The following UBE2F variants were observed in gnomAD, a reference collection of about 807,000 sequenced individuals.
UBE2F encodes the protein NEDD8-conjugating enzyme UBE2F.
A neutral mutation model predicts 29.6 loss-of-function variants in UBE2F; 5 were observed. The observed-to-expected ratio is 0.17, with a 90% CI of 0.09 to 0.36. The LOEUF is 0.36. Ranked by LOEUF, UBE2F falls within the 10% of genes least tolerant of loss-of-function variation. UBE2F has a pLI of 1.00. For missense variants in UBE2F, 141 were observed against 228.5 expected (o/e 0.62, Z 2.47); for synonymous variants, 66 against 81.8 (o/e 0.81, Z 1.04).
At chr2:237,979,459 C>G (rs1377562610) in intron 2 of UBE2F, among the ~76,000 whole-genome samples, 1 of 152,242 alleles carries the variant, frequency 6.6e-6, no homozygotes, top group Non-Finnish European at 1.5e-5. Flanking sequence ...TTTTCTGGAA[C>G]CACTGTCTCC....
At position 238,040,630 on chromosome 2, in the gene UBE2F, A is replaced by G. The variant is rs2064818178; in HGVS notation, c.508-658A>G. On this transcript the variant is annotated intron_variant, in intron 9 of 9. Coordinates refer to ENST00000272930, the MANE Select transcript of UBE2F (RefSeq NM_080678.3). This position sits in a 1 kb window ranked among gnomAD's most constrained non-coding sequence, Gnocchi z 4.4. ...TCCTAACCTTGGGGAGACCAGATCC[A>G]GGGACAAACCTGACAGTGGCCCAGA... Among the ~76,000 whole-genome samples the G allele has an allele frequency of 6.6e-6, 1 of 152,192 alleles. No homozygotes were observed. Among genetic ancestry groups the G allele is most frequent in the Non-Finnish European group, 1.5e-5 (1 of 68,036 alleles).
intron 4 of UBE2F, among the ~76,000 whole-genome samples, chr2:238,013,000 G>T (rs1229013474): frequency 6.6e-6 from 1 of 152,216 alleles, no homozygotes; most frequent in Non-Finnish European, 1.5e-5. Flanking sequence ...TATAGGCCAG[G>T]TGTGGTGGCT....
At chr2:237,990,053 G>A (rs2063551221) in intron 3 of UBE2F, among the ~76,000 whole-genome samples, 1 of 151,218 alleles carries the variant, frequency 6.6e-6, no homozygotes, top group South Asian at 2.1e-4. Flanking sequence ...AGGAGGCGGA[G>A]GTTGCGGTGA....
At chr2:238,025,176 G>C (rs2064391173) in intron 5 of UBE2F, 166 bp from the exon 6 acceptor site, 1 of 635,188 alleles carries the variant, frequency 1.6e-6, no homozygotes, top group African/African-American at 1.8e-5. Context: ...CCTCATGGGT[G>C]AGGTGAGCCA....
At chr2:238,025,196 G>T in intron 5 of UBE2F, 146 bp from the exon 6 acceptor site, 1 of 687,630 alleles carries the variant, frequency 1.5e-6, no homozygotes, top group Non-Finnish European at 2.6e-6. Flanking sequence ...AGTATTCAGG[G>T]TTGAACACGT....
intron 4 of UBE2F, among the ~76,000 whole-genome samples, chr2:238,013,005 G>A (rs1294464711): frequency 6.6e-6 from 1 of 152,194 alleles, no homozygotes; most frequent in Non-Finnish European, 1.5e-5. Context: ...GCCAGGTGTG[G>A]TGGCTCATGC....
At chr2:237,990,111 CAAAAAA>C (rs146262180) in intron 3 of UBE2F, among the ~76,000 whole-genome samples, 1 of 84,164 alleles carries the variant, frequency 1.2e-5, no homozygotes, top group Admixed American at 1.3e-4. Flanking sequence ...GAGACTGTCT[CAAAAAA>C]AAAAAAAAAA....
At chr2:238,027,910 C>T (rs2064471075) in intron 6 of UBE2F, among the ~76,000 whole-genome samples, 1 of 152,226 alleles carries the variant, frequency 6.6e-6, no homozygotes, top group African/African-American at 2.4e-5. Context: ...ACCTTGTTGT[C>T]CCGGCAGGGA....
chr2:238,030,463 C>A, intron 6 of UBE2F, 93 bp from the exon 7 acceptor site: 1 of 833,944 alleles, frequency 1.2e-6, no homozygotes, highest in Non-Finnish European at 2.0e-6. Flanking sequence ...AAAAGTAGAG[C>A]TCCTGCATGG....
chr2:238,004,650 T>C (rs2063864593), intron 4 of UBE2F, among the ~76,000 whole-genome samples: 1 of 152,134 alleles, frequency 6.6e-6, no homozygotes, highest in Non-Finnish European at 1.5e-5. Flanking sequence ...CTGGAACCTG[T>C]TGAATGTGTT....
chr2:238,000,800 A>G (rs1479316944), intron 4 of UBE2F, among the ~76,000 whole-genome samples: 5 of 152,156 alleles, frequency 3.3e-5, no homozygotes, highest in African/African-American at 9.7e-5. Flanking sequence ...GTTTCTCTAT[A>G]TTCTTACTGA....
At chr2:238,014,859 A>G (rs1027545009) in intron 4 of UBE2F, among the ~76,000 whole-genome samples, 2 of 152,240 alleles carry the variant, frequency 1.3e-5, no homozygotes, top group Admixed American at 1.3e-4. Flanking sequence ...TTATTTGAAA[A>G]GTTCTTATAT....
At chr2:238,016,493 G>C in intron 4 of UBE2F, 73 bp from the exon 5 acceptor site, 1 of 1,316,876 alleles carries the variant, frequency 7.6e-7, no homozygotes, top group Non-Finnish European at 1.1e-6. Flanking sequence ...TATCCTAACA[G>C]AGTGTTTGCT....
In UBE2F at chr2:238,035,583, A is replaced by G. The variant is rs1261875061; in HGVS notation, c.445-295A>G. The G allele has an allele frequency of 2.6e-5, 7 of 269,156 alleles. No individual in the cohort carries two copies. In the East Asian group the frequency reaches 5.2e-4, roughly 20 times the overall value. The allele number at this position is 269,156 out of a possible 1,614,324, so 16.7% of individuals were successfully genotyped here. ...TTTTCATTCTCCAGTTATCACAAAT[A>G]GCATTAGAAATGAATGCGATTGCAA... On this transcript the variant is annotated intron_variant, in intron 8 of 9. Coordinates refer to ENST00000272930, the MANE Select transcript of UBE2F (RefSeq NM_080678.3).
chr2:237,990,754 C>A (rs571922025), intron 3 of UBE2F, among the ~76,000 whole-genome samples: 1 of 149,610 alleles, frequency 6.7e-6, no homozygotes, highest in Non-Finnish European at 1.5e-5. Flanking sequence ...GAGTGAGACT[C>A]TGTCTCAAAA....
At chr2:237,977,168 A>T (rs2063298311) in intron 2 of UBE2F, among the ~76,000 whole-genome samples, 1 of 152,088 alleles carries the variant, frequency 6.6e-6, no homozygotes, top group African/African-American at 2.4e-5. Flanking sequence ...GGCTGGGTTG[A>T]CAGGGCCCAG....
At chr2:237,979,909 G>A (rs1345710958) in intron 2 of UBE2F, among the ~76,000 whole-genome samples, 5 of 152,272 alleles carry the variant, frequency 3.3e-5, no homozygotes. Flanking sequence ...AGAGCCTGGA[G>A]GGGACCATGA....
intron 2 of UBE2F, among the ~76,000 whole-genome samples, chr2:237,986,555 CT>C (rs1433235246): frequency 6.6e-6 from 1 of 152,074 alleles, no homozygotes; most frequent in African/African-American, 2.4e-5. Context: ...GTTCTCTGAG[CT>C]TTTGGTGTGA....
chr2:237,985,014 A>T (rs2063452894), intron 2 of UBE2F, among the ~76,000 whole-genome samples: 2 of 136,474 alleles, frequency 1.5e-5, no homozygotes, highest in African/African-American at 5.3e-5. Flanking sequence ...AAAAAAAAAA[A>T]TAGAGATGGT....
Sources: gnomAD v4.1 joint callset for allele counts (sites outside exome capture counted in the v4.1 genomes callset) on GRCh38, gnomAD v4.1.1 for gene constraint, Gnocchi (gnomAD v3.1) non-coding constraint, MANE v1.5 for transcripts, NCBI Gene and HGNC (gene_info 2026-07-23, HGNC 2026-07-21) for gene names.